ADAMTSL1: variants seen among roughly 807,000 people sequenced by gnomAD.
ADAMTSL1 encodes ADAMTS like 1.
A neutral mutation model predicts 201.8 loss-of-function variants in ADAMTSL1; 126 were observed. That is an observed-to-expected ratio of 0.62 (90% CI 0.54 to 0.72). The LOEUF is 0.72. ADAMTSL1 is among the 30% of genes least tolerant of loss of function. The pLI is 0.00. For synonymous variants in ADAMTSL1, 1,121 were observed against 903.4 expected (o/e 1.24, Z -4.32); for missense variants, 2,679 against 2,277.8 (o/e 1.18, Z -3.59).
At chr9:18,469,540 A>G (rs1197803574), upstream of ADAMTSL1, among the ~76,000 whole-genome samples, 2 of 152,252 alleles carry the variant, frequency 1.3e-5, no homozygotes, top group South Asian at 2.1e-4. Flanking sequence ...GCTTTACAGA[A>G]ACACATCACC....
intron 1 of ADAMTSL1, among the ~76,000 whole-genome samples, chr9:17,950,846 T>C (rs913700937): frequency 5.3e-5 from 8 of 152,086 alleles, no homozygotes; most frequent in African/African-American, 1.9e-4. Context: ...AACACTATAA[T>C]AAATATTGCA....
chr9:18,841,792 C>G (rs1563848277), intron 23 of ADAMTSL1, among the ~76,000 whole-genome samples: 1 of 152,144 alleles, frequency 6.6e-6, no homozygotes, highest in Non-Finnish European at 1.5e-5. Flanking sequence ...AGGAATTTAT[C>G]CATTTCTTCT....
intron 28 of ADAMTSL1, 116 bp from the exon 29 acceptor site, chr9:18,908,326 C>G: frequency 1.2e-6 from 1 of 855,180 alleles, no homozygotes; most frequent in Non-Finnish European, 1.9e-6. Context: ...AGGCAGACCC[C>G]AGGATGTACC....
intron 1 of ADAMTSL1, among the ~76,000 whole-genome samples, chr9:18,115,412 A>G (rs1437806134): frequency 6.6e-6 from 1 of 152,134 alleles, no homozygotes; most frequent in Non-Finnish European, 1.5e-5. Flanking sequence ...CTTTAGAGAG[A>G]ACAAGTCTAC....
chr9:18,239,352 T>C (rs1418529154), intron 2 of ADAMTSL1, among the ~76,000 whole-genome samples: 1 of 152,226 alleles, frequency 6.6e-6, no homozygotes, highest in Non-Finnish European at 1.5e-5. Context: ...GCTGCTGCTT[T>C]ATGAACTAAA....
At chr9:18,847,361 T>C (rs750395921) in intron 23 of ADAMTSL1, among the ~76,000 whole-genome samples, 5 of 152,172 alleles carry the variant, frequency 3.3e-5, no homozygotes, top group Non-Finnish European at 5.9e-5. Context: ...GTTCCTTCCA[T>C]GTTTTCAGCA....
At chr9:18,558,630 T>C (rs1821264592) in intron 3 of ADAMTSL1, among the ~76,000 whole-genome samples, 1 of 152,200 alleles carries the variant, frequency 6.6e-6, no homozygotes, top group Non-Finnish European at 1.5e-5. Flanking sequence ...CCATCAACAG[T>C]GTAAAAGTGT....
At chr9:17,934,330 A>C (rs770240271) in intron 1 of ADAMTSL1, among the ~76,000 whole-genome samples, 9 of 152,088 alleles carry the variant, frequency 5.9e-5, no homozygotes, top group Non-Finnish European at 8.8e-5. Flanking sequence ...TAATTCTTCA[A>C]ATCTCTGGGA....
chr9:18,327,081 T>TA (rs566009481), intron 2 of ADAMTSL1, among the ~76,000 whole-genome samples: 13 of 152,320 alleles, frequency 8.5e-5, no homozygotes, highest in African/African-American at 1.9e-4. Flanking sequence ...CGAAAGCTGA[T>TA]AAAAAAATTT....
At chr9:18,864,660 C>A (rs949256929) in intron 23 of ADAMTSL1, among the ~76,000 whole-genome samples, 1 of 152,176 alleles carries the variant, frequency 6.6e-6, no homozygotes, top group Admixed American at 6.5e-5. Flanking sequence ...TCCCCCATGT[C>A]CTCATCTGTC....
At chr9:17,978,116 A>G (rs994208094) in intron 1 of ADAMTSL1, among the ~76,000 whole-genome samples, 10 of 152,032 alleles carry the variant, frequency 6.6e-5, no homozygotes, top group African/African-American at 2.4e-4. Context: ...GTATAACTAT[A>G]CTTCTGTTCT....
chr9:18,875,178 C>G (rs1828075234), intron 23 of ADAMTSL1, among the ~76,000 whole-genome samples: 1 of 152,052 alleles, frequency 6.6e-6, no homozygotes, highest in Admixed American at 6.6e-5. Flanking sequence ...CACTAATGGT[C>G]TATCAGTTTT....
At chr9:18,409,383 C>CAAAAA (rs781106126) in intron 2 of ADAMTSL1, among the ~76,000 whole-genome samples, 16 of 77,122 alleles carry the variant, frequency 2.1e-4, no homozygotes, top group Admixed American at 3.1e-4. Context: ...AACTCCGTCT[C>CAAAAA]AAAAAAAAAA....
At chr9:18,291,974 A>C (rs771359765) in intron 2 of ADAMTSL1, among the ~76,000 whole-genome samples, 21 of 152,220 alleles carry the variant, frequency 1.4e-4, no homozygotes, top group South Asian at 2.1e-4. Context: ...TCCATAAGGT[A>C]ATAAGAACTG....
chr9:18,638,235 GAGAACTACAAGT>G (rs1421830669), intron 6 of ADAMTSL1, among the ~76,000 whole-genome samples: 1 of 152,000 alleles, frequency 6.6e-6, no homozygotes, highest in Non-Finnish European at 1.5e-5. Flanking sequence ...CTTTGCAATA[GAGAACTACAAGT>G]AGACCCCCTC....
rs28678582 is a variant in ADAMTSL1 at position 18,147,719 on chromosome 9, A to G, written c.88-16143A>G. On this transcript the variant is annotated intron_variant, in intron 1 of 29. Coordinates refer to the ADAMTSL1 transcript ENST00000680146. ...TCTTTTGTTCCAAAAGACCAAAGCA[A>G]CTGTAGAAACTGTTATCTAGAGGCT... Among the ~76,000 whole-genome samples the G allele has an allele frequency of 7.1e-3, 1,076 of 152,262 alleles. 10 individuals carry two copies. The highest frequency in any genetic ancestry group is 0.032 in the East Asian group (164 of 5,182).
chr9:17,933,318 C>T (rs1239577840), intron 1 of ADAMTSL1, among the ~76,000 whole-genome samples: 1 of 152,108 alleles, frequency 6.6e-6, no homozygotes, highest in Admixed American at 6.6e-5. Context: ...TCGGTCTCTG[C>T]ATCTCTCTTG....
At chr9:18,568,792 A>G (rs1822104666) in intron 3 of ADAMTSL1, among the ~76,000 whole-genome samples, 1 of 148,738 alleles carries the variant, frequency 6.7e-6, no homozygotes, top group Non-Finnish European at 1.5e-5. Flanking sequence ...AAGGTTCTTG[A>G]TACTATCAGA....
chr9:17,908,460 CT>C (rs541822002), intron 1 of ADAMTSL1, among the ~76,000 whole-genome samples: 170 of 145,224 alleles, frequency 1.2e-3, no homozygotes, highest in East Asian at 1.2e-3. Context: ...CTTAATGTGA[CT>C]TTTTTTTTTT....
Sources: gnomAD v4.1 joint callset for allele counts (sites outside exome capture counted in the v4.1 genomes callset) on GRCh38, gnomAD v4.1.1 for gene constraint, MANE v1.5 for transcripts, NCBI Gene and HGNC (gene_info 2026-07-23, HGNC 2026-07-21) for gene names.